Variants in FGD4 observed in about 807,000 individuals in gnomAD.
FGD4 encodes the protein FYVE, RhoGEF and PH domain containing 4, also known as FYVE, RhoGEF and PH domain-containing protein 4.
A neutral mutation model predicts 102.0 loss-of-function variants in FGD4; 42 were observed. The observed-to-expected ratio is 0.41, with a 90% CI of 0.32 to 0.53. FGD4 has a LOEUF of 0.53. Ranked by LOEUF, FGD4 falls within the 20% of genes least tolerant of loss-of-function variation. FGD4 has a pLI of 0.21. For synonymous variants in FGD4, 380 were observed against 375.7 expected (o/e 1.01, Z -0.13); for missense variants, 902 against 1,078.2 (o/e 0.84, Z 2.29).
chr12:32,464,099 A>G (rs1430791861), intron 1 of FGD4, among the ~76,000 whole-genome samples: 1 of 152,134 alleles, frequency 6.6e-6, no homozygotes, highest in African/African-American at 2.4e-5. Context: ...ACTTATTTGC[A>G]TGTGTCCCAG....
Position 32,432,296 on chromosome 12 carries a change from G to A in FGD4, c.166+32337G>A, listed in dbSNP as rs187974235. Among the ~76,000 whole-genome samples the A allele has an allele frequency of 9.6e-3, 1,457 of 151,448 alleles. 13 individuals carry two copies. Among genetic ancestry groups the A allele is most frequent in the African/African-American group, 0.02 (830 of 41,398 alleles). On this transcript the variant is annotated intron_variant, in intron 1 of 16. Transcript: ENST00000534526. ...AGGATGGTCTTGATCTCCTGACCTCGTGATCCGCCTGCCTCGGCCTCCCAA... is the reference window on the plus strand; with the variant it reads ...AGGATGGTCTTGATCTCCTGACCTCATGATCCGCCTGCCTCGGCCTCCCAA...
At chr12:32,452,488 C>CT (rs1264061218) in intron 1 of FGD4, among the ~76,000 whole-genome samples, 1 of 152,180 alleles carries the variant, frequency 6.6e-6, no homozygotes, top group African/African-American at 2.4e-5. Flanking sequence ...AGTGATTAAT[C>CT]TGAGTGTAGG....
chr12:32,563,305 C>T (rs1345421722), intron 1 of FGD4, among the ~76,000 whole-genome samples: 104 of 149,050 alleles, frequency 7.0e-4, no homozygotes, highest in Non-Finnish European at 1.3e-3. Context: ...GGCAGAGACG[C>T]TCCTCACCTC....
At chr12:32,503,762 T>C (rs1001592302) in intron 1 of FGD4, among the ~76,000 whole-genome samples, 3 of 152,160 alleles carry the variant, frequency 2.0e-5, no homozygotes, top group African/African-American at 7.2e-5. Context: ...TTGGGATAAT[T>C]TTTTTCACCC....
chr12:32,600,580 C>CTTTTTTTTTTTT (rs753429889), intron 5 of FGD4: 3 of 265,920 alleles, frequency 1.1e-5, no homozygotes, highest in African/African-American at 9.7e-5. Flanking sequence ...TTCTTTCTTT[C>CTTTTTTTTTTTT]TTTCTTTCTT....
At chr12:32,549,459 T>C (rs1943484737) in intron 1 of FGD4, among the ~76,000 whole-genome samples, 1 of 152,182 alleles carries the variant, frequency 6.6e-6, no homozygotes. Context: ...ACTTGGCTGA[T>C]ATTTGTTGCT....
intron 1 of FGD4, among the ~76,000 whole-genome samples, chr12:32,432,321 A>G (rs1417470764): frequency 1.4e-5 from 2 of 145,478 alleles, no homozygotes; most frequent in Non-Finnish European, 3.0e-5. Flanking sequence ...CGGCCTCCCA[A>G]AGGGCTGGGA....
At chr12:32,401,370 C>T (rs1242893544) in intron 1 of FGD4, among the ~76,000 whole-genome samples, 1 of 152,094 alleles carries the variant, frequency 6.6e-6, no homozygotes, top group East Asian at 1.9e-4. Context: ...AGCGATTCTC[C>T]TGCCTCAGCC....
chr12:32,500,364 A>G (rs926083067), intron 1 of FGD4, among the ~76,000 whole-genome samples: 1 of 151,440 alleles, frequency 6.6e-6, no homozygotes, highest in Non-Finnish European at 1.5e-5. Flanking sequence ...CCTTTGCCAC[A>G]TAGTCTTTCT....
chr12:32,471,088 C>A (rs559767503), intron 1 of FGD4, among the ~76,000 whole-genome samples: 1 of 152,302 alleles, frequency 6.6e-6, no homozygotes, highest in Non-Finnish European at 1.5e-5. Flanking sequence ...ACATCGGAAC[C>A]CCAGGTTCTT....
intron 1 of FGD4, among the ~76,000 whole-genome samples, chr12:32,536,469 T>C (rs2136099151): frequency 6.6e-6 from 1 of 152,356 alleles, no homozygotes; most frequent in South Asian, 2.1e-4. Flanking sequence ...AGCCACCTTC[T>C]GATAACCTTT....
intron 1 of FGD4, among the ~76,000 whole-genome samples, chr12:32,530,932 C>T (rs1324645118): frequency 1.5e-5 from 2 of 136,058 alleles, no homozygotes; most frequent in Non-Finnish European, 3.1e-5. Context: ...AATCAGTTTC[C>T]TAGCTTTGGT....
intron 1 of FGD4, among the ~76,000 whole-genome samples, chr12:32,417,169 C>T (rs981275041): frequency 3.3e-5 from 5 of 152,106 alleles, no homozygotes; most frequent in East Asian, 1.9e-4. Context: ...GTTGGAATTA[C>T]GGGCATGAGC....
intron 1 of FGD4, among the ~76,000 whole-genome samples, chr12:32,542,860 G>T (rs920543608): frequency 5.3e-5 from 8 of 152,182 alleles, no homozygotes; most frequent in Admixed American, 3.9e-4. Context: ...CATATAAGGG[G>T]ATGTCTAGGT....
chr12:32,453,200 T>TTATA lies in FGD4; in HGVS notation c.166+53258_166+53261dup, dbSNP rs1209887127. 3.1e-3 allele frequency among the ~76,000 whole-genome samples: 199 copies of TTATA among 64,592 alleles called. 3 individuals carry two copies. Among genetic ancestry groups the TTATA allele is most frequent in the African/African-American group, 9.5e-3 (190 of 19,974 alleles). The allele number at this position is 64,592 out of a possible 152,430, so 42.4% of individuals were successfully genotyped here. A position where few individuals can be genotyped will look rare whatever the true frequency, so the allele number is the denominator to read the frequency against. ...ATTATATATATATTTTATATATATATTATATATATATATATATATAATATA... is the reference window on the plus strand; with the variant it reads ...ATTATATATATATTTTATATATATATTATATATATATATATATATATATAATATA... On this transcript the variant is annotated intron_variant, in intron 1 of 16. Coordinates refer to ENST00000534526, the MANE Select transcript of FGD4 (RefSeq NM_001370298.3).
At chr12:32,458,118 A>AT (rs1259739274) in intron 1 of FGD4, among the ~76,000 whole-genome samples, 1 of 150,858 alleles carries the variant, frequency 6.6e-6, no homozygotes, top group Non-Finnish European at 1.5e-5. Context: ...CAAACAGCCA[A>AT]TTTTTTTTGT....
chr12:32,476,124 G>T (rs777664063), intron 1 of FGD4, among the ~76,000 whole-genome samples: 1 of 151,830 alleles, frequency 6.6e-6, no homozygotes, highest in Admixed American at 6.6e-5. Context: ...CTTTTTCTTA[G>T]GTCTCCATTT....
At chr12:32,526,101 T>G (rs1592110000) in intron 1 of FGD4, among the ~76,000 whole-genome samples, 1 of 152,206 alleles carries the variant, frequency 6.6e-6, no homozygotes, top group African/African-American at 2.4e-5. Context: ...GCAGCCCCGG[T>G]GCGGGATCCA....
At chr12:32,602,066 GAT>G in intron 6 of FGD4, 93 bp from the exon 7 acceptor site, 1 of 1,133,256 alleles carries the variant, frequency 8.8e-7, no homozygotes, top group Non-Finnish European at 1.3e-6. Flanking sequence ...AGTGAGCTGT[GAT>G]AATGCCACTG....
Sources: allele counts gnomAD v4.1 joint callset (sites outside exome capture counted in the v4.1 genomes callset), GRCh38; gene constraint gnomAD v4.1.1; transcripts MANE v1.5; gene names NCBI Gene and HGNC (gene_info 2026-07-23, HGNC 2026-07-21).